DDX10: variants seen among roughly 807,000 people sequenced by gnomAD.
DDX10 encodes the protein DEAD-box helicase 10, also known as probable ATP-dependent RNA helicase DDX10.
Under a neutral mutation model 104.3 loss-of-function variants are expected in DDX10, and 74 were observed. The ratio of observed to expected loss-of-function variants is 0.71; its 90% CI spans 0.59 to 0.86. DDX10 has a LOEUF of 0.86. Ranked by LOEUF, DDX10 falls within the 40% of genes least tolerant of loss-of-function variation. The pLI is 0.00. For synonymous variants in DDX10, 351 were observed against 353.4 expected, an observed-to-expected ratio of 0.99 and a Z score of 0.08; for missense variants, 952 against 1,040.0, an observed-to-expected ratio of 0.92 and a Z score of 1.16.
intron 16 of DDX10, among the ~76,000 whole-genome samples, chr11:108,911,252 C>T (rs1000263463): frequency 6.6e-6 from 1 of 152,192 alleles, no homozygotes; most frequent in African/African-American, 2.4e-5. Flanking sequence ...TGAATGAAGA[C>T]ATCTTTGTCT....
At chr11:108,756,810 A>G (rs536924953) in intron 13 of DDX10, among the ~76,000 whole-genome samples, 21 of 152,176 alleles carry the variant, frequency 1.4e-4, no homozygotes, top group African/African-American at 4.1e-4. Flanking sequence ...GGCTAGTCCT[A>G]TGGTGAATAA....
Position 108,852,225 on chromosome 11 carries a change from C to G in DDX10, c.2304+16C>G, listed in dbSNP as rs1276229800. 1 of 1,599,954 alleles carries G rather than the reference C, an allele frequency of 6.3e-7. No homozygotes were observed. The highest frequency in any genetic ancestry group is 1.3e-5 in the African/African-American group (1 of 74,538). On this transcript the variant is annotated intron_variant, in intron 16 of 17. Coordinates refer to ENST00000322536, the MANE Select transcript of DDX10 (RefSeq NM_004398.4). ...ACAAGCAAAGGTAAGGGTTTATATACATTTATTTTTCCAAGCTCTATTAAG... is the reference window on the plus strand; with the variant it reads ...ACAAGCAAAGGTAAGGGTTTATATAGATTTATTTTTCCAAGCTCTATTAAG...
Position 108,673,391 on chromosome 11 carries a change from G to C in DDX10, c.187-76G>C. 3.3e-6 allele frequency: 3 copies of C among 921,390 alleles called. No individual in the cohort carries two copies. In the South Asian group the frequency reaches 4.1e-5, roughly 13 times the overall value. 57.1% of individuals were successfully genotyped at this position (921,390 alleles called of 1,614,324 possible). A position where few individuals can be genotyped will look rare whatever the true frequency, so the allele number is the denominator to read the frequency against. ...CCCTGAATTACCAAGGATGAGCTGGGCAATACAATGTAGAGAAGAAATGGC... is the reference window on the plus strand; with the variant it reads ...CCCTGAATTACCAAGGATGAGCTGGCCAATACAATGTAGAGAAGAAATGGC... On this transcript the variant is annotated intron_variant, in intron 1 of 17. Transcript: ENST00000322536.
chr11:108,665,081 T>G lies in DDX10; in HGVS notation c.-73T>G. On this transcript the variant is annotated 5_prime_UTR_variant, in exon 1 of 18. The change abolishes an upstream ATG in the 5' untranslated region. Transcript: ENST00000322536. ...CATGCGCCTCTGTGCGTTTGTCCCATGCTGGTTCCGTGAGTCTGGCCTTAG... is the reference window on the plus strand; with the variant it reads ...CATGCGCCTCTGTGCGTTTGTCCCAGGCTGGTTCCGTGAGTCTGGCCTTAG... 6.8e-7 allele frequency: 1 copy of G among 1,472,170 alleles called. No homozygotes were observed. The highest frequency in any genetic ancestry group is 9.0e-7 in the Non-Finnish European group (1 of 1,115,386). The allele number at this position is 1,472,170 out of a possible 1,614,324, so 91.2% of individuals were successfully genotyped here.
intron 13 of DDX10, among the ~76,000 whole-genome samples, chr11:108,801,565 C>G (rs1862020980): frequency 6.6e-6 from 1 of 152,166 alleles, no homozygotes; most frequent in Non-Finnish European, 1.5e-5. Context: ...TAACCTCTTA[C>G]AGCCCCCAAT....
intron 14 of DDX10, among the ~76,000 whole-genome samples, chr11:108,839,696 A>G (rs899272934): frequency 5.9e-5 from 9 of 152,210 alleles, no homozygotes; most frequent in African/African-American, 1.2e-4. Flanking sequence ...TCAGACGAAA[A>G]GTCACAAAAT....
intron 13 of DDX10, among the ~76,000 whole-genome samples, chr11:108,781,566 T>A (rs1410210727): frequency 2.6e-5 from 4 of 152,170 alleles, no homozygotes. Context: ...TTCCTTTCTC[T>A]CTTCTTACCA....
At chr11:108,858,684 C>T (rs191442233) in intron 16 of DDX10, among the ~76,000 whole-genome samples, 1 of 152,306 alleles carries the variant, frequency 6.6e-6, no homozygotes, top group East Asian at 1.9e-4. Context: ...TAGAATCCTT[C>T]ACGCATGCCT....
intron 13 of DDX10, among the ~76,000 whole-genome samples, chr11:108,816,204 C>T (rs1862252472): frequency 6.6e-6 from 1 of 152,194 alleles, no homozygotes; most frequent in South Asian, 2.1e-4. Flanking sequence ...ACCCCCAAGG[C>T]TTTGCCTTAT....
chr11:108,828,613 G>A (rs1247393651), intron 13 of DDX10, among the ~76,000 whole-genome samples: 2 of 151,868 alleles, frequency 1.3e-5, no homozygotes, highest in African/African-American at 4.8e-5. Context: ...TACCTGTTAG[G>A]TGGGTCTTAA....
intron 13 of DDX10, among the ~76,000 whole-genome samples, chr11:108,790,105 T>G (rs967098570): frequency 1.3e-5 from 2 of 152,218 alleles, no homozygotes; most frequent in Non-Finnish European, 2.9e-5. Context: ...CACATGGTCA[T>G]TTGGTAACCA....
At chr11:108,878,792 T>TG (rs1449888348) in intron 16 of DDX10, among the ~76,000 whole-genome samples, 1 of 151,192 alleles carries the variant, frequency 6.6e-6, no homozygotes, top group Non-Finnish European at 1.5e-5. Context: ...ACATAGTTGT[T>TG]TTTTTTTTCT....
chr11:108,897,789 A>T (rs976902087), intron 16 of DDX10, among the ~76,000 whole-genome samples: 2 of 152,090 alleles, frequency 1.3e-5, no homozygotes, highest in East Asian at 3.8e-4. Flanking sequence ...ACTGCTGATA[A>T]TGTGAGTTCT....
At chr11:108,805,496 T>TA (rs1159096998) in intron 13 of DDX10, among the ~76,000 whole-genome samples, 39 of 152,268 alleles carry the variant, frequency 2.6e-4, no homozygotes, top group African/African-American at 8.4e-4. Context: ...TGTATGTTAT[T>TA]AGCAACATCT....
intron 13 of DDX10, among the ~76,000 whole-genome samples, chr11:108,762,899 A>G (rs1217993192): frequency 6.6e-6 from 1 of 152,168 alleles, no homozygotes. Context: ...AATGTTGCCC[A>G]TAGGCTGTGC....
At chr11:108,692,960 A>G (rs1591793444) in intron 8 of DDX10, among the ~76,000 whole-genome samples, 1 of 152,158 alleles carries the variant, frequency 6.6e-6, no homozygotes, top group Admixed American at 6.5e-5. Flanking sequence ...GGTTTGTTAC[A>G]TAGGTATACA....
chr11:108,894,042 A>T (rs1407031997), intron 16 of DDX10, among the ~76,000 whole-genome samples: 4 of 152,052 alleles, frequency 2.6e-5, no homozygotes, highest in Non-Finnish European at 4.4e-5. Context: ...CTGTAAAGGG[A>T]TGGAATAGAG....
intron 13 of DDX10, among the ~76,000 whole-genome samples, chr11:108,757,645 C>T (rs1170164113): frequency 1.3e-5 from 2 of 152,040 alleles, no homozygotes; most frequent in Admixed American, 6.6e-5. Context: ...TGACTAGACC[C>T]TTCGACTACA....
At position 108,940,309 on chromosome 11, in the gene DDX10, A is replaced by G. The variant is rs61751527; in HGVS notation, c.2514A>G (p.Pro838=). 2.9e-3 allele frequency: 4,723 copies of G among 1,614,066 alleles called. 62 individuals carry two copies. The highest frequency in any genetic ancestry group is 1.5e-3 in the Non-Finnish European group (1,796 of 1,180,006). The change falls in exon 18 of 18, where the codon CCA becomes CCG. Residue 838 remains proline, a synonymous_variant. Transcript: ENST00000322536. ...RSNSEVEDVG[P]TSHNRKKARW... Reference sequence around the variant, plus strand: ...ACAGTGAAGTGGAAGACGTGGGACCAACAAGTCATAACAGAAAGAAGGCCA... The same window carrying G: ...ACAGTGAAGTGGAAGACGTGGGACCGACAAGTCATAACAGAAAGAAGGCCA...
Sources: allele counts gnomAD v4.1 joint callset (sites outside exome capture counted in the v4.1 genomes callset), GRCh38; gene constraint gnomAD v4.1.1; transcripts MANE v1.5; gene names NCBI Gene and HGNC (gene_info 2026-07-23, HGNC 2026-07-21).